Variants in HDGFL2 observed in about 807,000 individuals in gnomAD.
HDGFL2 encodes hepatoma-derived growth factor-related protein 2.
Under a neutral mutation model 77.1 loss-of-function variants are expected in HDGFL2, and 36 were observed. The ratio of observed to expected loss-of-function variants is 0.47; its 90% confidence interval spans 0.36 to 0.62. HDGFL2 has a LOEUF of 0.62. Among genes scored for constraint, HDGFL2 ranks in the 20% least tolerant of loss-of-function variants. The pLI is 0.00. For missense variants in HDGFL2, 976 were observed against 973.4 expected (o/e 1.00, Z -0.04); for synonymous variants, 463 against 413.1 (o/e 1.12, Z -1.46).
intron 3 of HDGFL2, among the ~76,000 whole-genome samples, chr19:4,484,666 A>ATTGTTTT (rs1975313703): frequency 1.3e-5 from 1 of 74,114 alleles, no homozygotes; most frequent in African/African-American, 5.7e-5. Context: ...CGCCTGGCTA[A>ATTGTTTT]TTTTTTTTTT....
intron 15 of HDGFL2, 167 bp from the exon 16 acceptor site, chr19:4,501,744 G>A: frequency 1.8e-6 from 1 of 554,122 alleles, no homozygotes; most frequent in South Asian, 2.8e-5. Context: ...GGACCCTGGA[G>A]ATGGTTGTGG....
chr19:4,494,258 A>G lies in HDGFL2; in HGVS notation c.1007A>G (p.Glu336Gly). The change falls in exon 9 of 16, where the codon GAG (glutamate) becomes GGG (glycine). Residue 336 changes from glutamate (E) to glycine (G), a missense_variant. Glu to Gly is a moderately conservative substitution (Grantham distance 98). This residue lies in a region of HDGFL2 where 567 missense variants were observed against 534.7 expected (regional missense o/e 1.06). Transcript: ENST00000616600. ...GAGGCCCGGCGGCGGCGAGAGCAGG[A>G]GGAGGAGCTGCGGCGCCTGCGGGAG... Reference protein sequence around the residue: ...ELEARRRREQEEELRRLREQE... With the variant: ...ELEARRRREQGEELRRLREQE... The G allele has an allele frequency of 6.9e-7, 1 of 1,459,502 alleles. No individual in the cohort carries two copies. The highest frequency in any genetic ancestry group is 9.0e-7 in the Non-Finnish European group (1 of 1,109,988). The allele number at this position is 1,459,502 out of a possible 1,614,324, so 90.4% of individuals were successfully genotyped here. A position where few individuals can be genotyped will look rare whatever the true frequency, so the allele number is the denominator to read the frequency against.
At chr19:4,492,604 CTGTG>C (rs966508681) in intron 6 of HDGFL2, among the ~76,000 whole-genome samples, 1 of 146,224 alleles carries the variant, frequency 6.8e-6, no homozygotes, top group Non-Finnish European at 1.5e-5. Context: ...TGTGTGTTGT[CTGTG>C]TGTTATCTGT....
intron 4 of HDGFL2, among the ~76,000 whole-genome samples, chr19:4,490,053 A>T (rs8110441): frequency 0.079 from 12,000 of 152,190 alleles, 533 homozygotes; most frequent in African/African-American, 0.12. Flanking sequence ...CTCAGGGTGC[A>T]TCCGCACTGC....
chr19:4,498,706 G>C (rs1290174400), intron 12 of HDGFL2, 108 bp from the exon 13 acceptor site: 2 of 725,786 alleles, frequency 2.8e-6, no homozygotes, highest in African/African-American at 3.5e-5. Context: ...TGCAGATACA[G>C]CTCCCCTCAA....
chr19:4,491,600 G>C lies in HDGFL2; in HGVS notation c.524G>C (p.Ser175Thr). ...SVSKRARKAS[S>T]DLDQASVSPS... ...TCGAAACGAGCCCGAAAGGCCTCCAGCGACCTGGATCAGGCCAGCGTGTCC... is the reference window on the plus strand; with the variant it reads ...TCGAAACGAGCCCGAAAGGCCTCCACCGACCTGGATCAGGCCAGCGTGTCC... Residue 175 changes from serine (S) to threonine (T), a missense_variant, in exon 5 of 16, where the codon AGC becomes ACC. Ser to Thr is a moderately conservative substitution (Grantham distance 58, BLOSUM62 1). Transcript: ENST00000616600. The C allele has an allele frequency of 6.2e-7, 1 of 1,613,942 alleles. No homozygotes were observed. Among genetic ancestry groups the C allele is most frequent in the South Asian group, 1.1e-5 (1 of 91,084 alleles).
chr19:4,488,097 A>G (rs1390984395), intron 3 of HDGFL2, among the ~76,000 whole-genome samples: 1 of 151,572 alleles, frequency 6.6e-6, no homozygotes, highest in Admixed American at 6.6e-5. Flanking sequence ...CGGCCTCCTG[A>G]GTAGCTGGGA....
At chr19:4,474,110 C>T (rs1164176025) in intron 1 of HDGFL2, among the ~76,000 whole-genome samples, 2 of 152,020 alleles carry the variant, frequency 1.3e-5, no homozygotes, top group Non-Finnish European at 2.9e-5. Context: ...CTATTGTCAT[C>T]CCCAGGTCTT....
chr19:4,498,203 C>G, intron 11 of HDGFL2, 103 bp from the exon 12 acceptor site: 2 of 1,250,832 alleles, frequency 1.6e-6, no homozygotes, highest in Non-Finnish European at 2.3e-6. Flanking sequence ...AGACCTGGGG[C>G]CCCCATGACA....
rs764649877 is a variant in HDGFL2 at position 4,497,987 on chromosome 19, G to A, written c.1358G>A (p.Arg453Gln). The change falls in exon 11 of 16, where the codon CGG becomes CAG. Residue 453 changes from arginine (R) to glutamine (Q), a missense_variant. By Grantham distance (43) the Arg-to-Gln change is conservative. Transcript: ENST00000616600. ...GTGAAGGTGGAGCGGACCCGGAAGC[G>A]GTCCGAGGGCTTCTCGATGGACAGG... is the stretch of plus-strand genomic sequence containing the variant. ...KPVKVERTRKRSEGFSMDRKV... is the reference protein window; with the variant it reads ...KPVKVERTRKQSEGFSMDRKV... The A allele has an allele frequency of 1.9e-5, 29 of 1,556,086 alleles. No homozygotes were observed. Among genetic ancestry groups the A allele is most frequent in the South Asian group, 8.3e-5 (7 of 84,358 alleles).
chr19:4,477,042 C>T (rs908453591), intron 3 of HDGFL2, among the ~76,000 whole-genome samples: 1 of 152,118 alleles, frequency 6.6e-6, no homozygotes, highest in Non-Finnish European at 1.5e-5. Flanking sequence ...GCAGGAGGGG[C>T]CCAGCCTTTG....
At chr19:4,498,141 A>G (rs765478235) in intron 11 of HDGFL2, 110 bp downstream of exon 11, 27 of 1,239,698 alleles carry the variant, frequency 2.2e-5, no homozygotes, top group South Asian at 2.7e-5. Context: ...TGCTCAGCAC[A>G]TCCTCGGCCG....
intron 3 of HDGFL2, among the ~76,000 whole-genome samples, chr19:4,480,087 C>A (rs1268140711): frequency 1.3e-5 from 2 of 152,080 alleles, no homozygotes; most frequent in African/African-American, 2.4e-5. Context: ...GGGTGTTGAG[C>A]AGCATCTCTG....
chr19:4,498,508 G>A, intron 12 of HDGFL2, 132 bp downstream of exon 12: 1 of 729,506 alleles, frequency 1.4e-6, no homozygotes, highest in South Asian at 1.6e-5. Flanking sequence ...TGTTCCGGTT[G>A]CTAGTGAGCG....
intron 15 of HDGFL2, 75 bp from the exon 16 acceptor site, chr19:4,501,836 C>T: frequency 1.8e-6 from 2 of 1,140,852 alleles, no homozygotes; most frequent in East Asian, 2.9e-5. Flanking sequence ...CCTCGGTGCC[C>T]ATCCCACCCA....
intron 3 of HDGFL2, among the ~76,000 whole-genome samples, chr19:4,479,594 A>AG (rs1975162132): frequency 7.0e-6 from 1 of 142,114 alleles, no homozygotes; most frequent in African/African-American, 2.6e-5. Flanking sequence ...AAAAAAAAAA[A>AG]GAAAGAAAGA....
At chr19:4,475,017 C>T (rs1213222959) in intron 1 of HDGFL2, 1 of 485,826 alleles carries the variant, frequency 2.1e-6, no homozygotes, top group Non-Finnish European at 3.7e-6. Context: ...AGGGCCGGAT[C>T]TGGCTTTGCT....
At position 4,475,528 on chromosome 19, in the gene HDGFL2, A is replaced by G. The variant is rs775538219; in HGVS notation, c.233A>G (p.Asn78Ser). The G allele has an allele frequency of 2.5e-6, 4 of 1,602,398 alleles. No homozygotes were observed. Among genetic ancestry groups the G allele is most frequent in the Middle Eastern group, 1.7e-4 (1 of 6,008 alleles). Reference protein sequence around the residue: ...YGKPNKRKGFNEGLWEIQNNP... With the variant: ...YGKPNKRKGFSEGLWEIQNNP... Reference sequence around the variant, plus strand: ...AAGCCCAACAAGAGGAAAGGCTTCAATGAAGGGCTGTGGGAGATCCAGAAC... The same window carrying G: ...AAGCCCAACAAGAGGAAAGGCTTCAGTGAAGGGCTGTGGGAGATCCAGAAC... Residue 78 changes from asparagine (N) to serine (S), a missense_variant, in exon 3 of 16, where the codon AAT (asparagine) becomes AGT (serine). This residue lies in a region of HDGFL2 where 103 missense variants were observed against 145.7 expected (regional missense o/e 0.71). Transcript: ENST00000616600.
chr19:4,487,888 G>A (rs1327320722), intron 3 of HDGFL2, among the ~76,000 whole-genome samples: 3 of 151,420 alleles, frequency 2.0e-5, no homozygotes, highest in African/African-American at 7.3e-5. Flanking sequence ...CTGGATGGTA[G>A]AAGCCCAGAG....
Sources: gnomAD v4.1 joint callset for allele counts (sites outside exome capture counted in the v4.1 genomes callset) on GRCh38, gnomAD v4.1.1 for gene constraint, gnomAD v4.1.1 regional missense constraint, MANE v1.5 for transcripts, NCBI Gene and HGNC (gene_info 2026-07-23, HGNC 2026-07-21) for gene names.